ATXN7L1: variants seen among roughly 807,000 people sequenced by gnomAD.
ATXN7L1 encodes the protein ataxin-7-like protein 1.
ATXN7L1 carries 15 observed loss-of-function variants against 70.8 expected under a neutral mutation model. The observed-to-expected ratio is 0.21, with a 90% CI of 0.14 to 0.33. ATXN7L1 has a LOEUF of 0.33. Ranked by LOEUF, ATXN7L1 falls within the 10% of genes least tolerant of loss-of-function variation. ATXN7L1 has a pLI of 1.00. For synonymous variants in ATXN7L1, 440 were observed against 445.1 expected, an observed-to-expected ratio of 0.99 and a Z score of 0.14; for missense variants, 975 against 1,097.1, an observed-to-expected ratio of 0.89 and a Z score of 1.57.
intron 7 of ATXN7L1, among the ~76,000 whole-genome samples, chr7:105,624,945 G>A (rs893094061): frequency 1.3e-5 from 2 of 152,242 alleles, no homozygotes; most frequent in African/African-American, 4.8e-5. Flanking sequence ...CCATTTGCAG[G>A]TAAGTAAGTT....
At chr7:105,668,743 C>CA (rs1327189520) in intron 3 of ATXN7L1, among the ~76,000 whole-genome samples, 2 of 151,844 alleles carry the variant, frequency 1.3e-5, no homozygotes, top group Non-Finnish European at 2.9e-5. Flanking sequence ...CTAATTAAAA[C>CA]TTTTTTTTGG....
At chr7:105,730,252 T>C (rs1372379212) in intron 3 of ATXN7L1, among the ~76,000 whole-genome samples, 2 of 152,214 alleles carry the variant, frequency 1.3e-5, no homozygotes, top group African/African-American at 4.8e-5. Flanking sequence ...ATGTATGTGA[T>C]GAAAATGGCA....
chr7:105,741,815 T>A (rs968934781), intron 3 of ATXN7L1, among the ~76,000 whole-genome samples: 7 of 152,142 alleles, frequency 4.6e-5, no homozygotes, highest in Admixed American at 4.6e-4. Flanking sequence ...GAGAGTGACA[T>A]GCACAGCGAG....
intron 3 of ATXN7L1, among the ~76,000 whole-genome samples, chr7:105,697,491 C>T (rs373748829): frequency 6.6e-6 from 1 of 152,384 alleles, no homozygotes; most frequent in Middle Eastern, 3.4e-3. Flanking sequence ...CTCTTACTCT[C>T]TGAACAATTG....
intron 3 of ATXN7L1, among the ~76,000 whole-genome samples, chr7:105,682,218 C>T (rs149183216): frequency 4.0e-5 from 6 of 151,710 alleles, no homozygotes; most frequent in East Asian, 3.9e-4. Flanking sequence ...AGCTAGACCC[C>T]GTCTCAAAAC....
chr7:105,811,117 C>T (rs535098980), intron 2 of ATXN7L1, among the ~76,000 whole-genome samples: 34 of 152,166 alleles, frequency 2.2e-4, no homozygotes, highest in Non-Finnish European at 4.7e-4. Context: ...TTGGAAACAG[C>T]GTCTCTGCAG....
intron 3 of ATXN7L1, among the ~76,000 whole-genome samples, chr7:105,727,485 A>G (rs950299430): frequency 1.3e-5 from 2 of 151,820 alleles, no homozygotes; most frequent in South Asian, 2.1e-4. Context: ...CCCGGCCAAC[A>G]TGGTGAAACC....
At chr7:105,868,343 T>C (rs1817779978) in intron 2 of ATXN7L1, among the ~76,000 whole-genome samples, 1 of 152,198 alleles carries the variant, frequency 6.6e-6, no homozygotes, top group Admixed American at 6.5e-5. Context: ...TTTTCACTGC[T>C]GTGTCCCTGG....
At position 105,800,282 on chromosome 7, in the gene ATXN7L1, A is replaced by G. The variant is rs1005825989; in HGVS notation, c.251-11574T>C. ...CCCCAATCCCTGGGTTCCCAGCTTCAGTTTCCACCAAATCCTCTTTCACTG... is the reference window on the plus strand; with the variant it reads ...CCCCAATCCCTGGGTTCCCAGCTTCGGTTTCCACCAAATCCTCTTTCACTG... On this transcript the variant is annotated intron_variant, in intron 2 of 11. Coordinates refer to ENST00000419735, the MANE Select transcript of ATXN7L1 (RefSeq NM_020725.2). Among the ~76,000 whole-genome samples, 3 of 152,286 alleles carry G rather than the reference A, an allele frequency of 2.0e-5. No homozygotes were observed. The East Asian group carries it at 5.8e-4, about 29-fold the overall frequency.
At chr7:105,826,547 T>C (rs1383176628) in intron 2 of ATXN7L1, among the ~76,000 whole-genome samples, 1 of 152,056 alleles carries the variant, frequency 6.6e-6, no homozygotes, top group Non-Finnish European at 1.5e-5. Context: ...ATGGAGACAT[T>C]TGGAAAAATG....
intron 3 of ATXN7L1, among the ~76,000 whole-genome samples, chr7:105,755,658 ATTTCCAGCTGG>A (rs1799717864): frequency 6.6e-6 from 1 of 152,166 alleles, no homozygotes; most frequent in Admixed American, 6.5e-5. Context: ...CTACTGGTGA[ATTTCCAGCTGG>A]AATTTCAATT....
chr7:105,723,074 T>C (rs1450888508), intron 3 of ATXN7L1, among the ~76,000 whole-genome samples: 1 of 152,076 alleles, frequency 6.6e-6, no homozygotes, highest in Non-Finnish European at 1.5e-5. Flanking sequence ...TGCCAGTTTT[T>C]AGGGAGTGTG....
chr7:105,866,076 C>T (rs867413059), intron 2 of ATXN7L1, among the ~76,000 whole-genome samples: 16 of 152,186 alleles, frequency 1.1e-4, no homozygotes, highest in Admixed American at 3.3e-4. Context: ...TTAATATCAT[C>T]GGACTGGGTG....
chr7:105,623,833 C>CT (rs1292251890), intron 8 of ATXN7L1, among the ~76,000 whole-genome samples: 2 of 152,194 alleles, frequency 1.3e-5, no homozygotes, highest in Admixed American at 6.5e-5. Context: ...ATTTTTTCCC[C>CT]TTTTTTCTTT....
chr7:105,852,913 C>T (rs1023821693), intron 2 of ATXN7L1, among the ~76,000 whole-genome samples: 10 of 152,018 alleles, frequency 6.6e-5, no homozygotes, highest in African/African-American at 1.9e-4. Context: ...CATCGATTAA[C>T]CTTGGAAACA....
At chr7:105,833,137 T>C (rs960361305) in intron 2 of ATXN7L1, among the ~76,000 whole-genome samples, 2 of 152,108 alleles carry the variant, frequency 1.3e-5, no homozygotes, top group African/African-American at 4.8e-5. Flanking sequence ...CCCTCTGACC[T>C]CCCACCCTAT....
chr7:105,743,811 G>A (rs1444852966), intron 3 of ATXN7L1, among the ~76,000 whole-genome samples: 3 of 152,266 alleles, frequency 2.0e-5, no homozygotes, highest in South Asian at 2.1e-4. Flanking sequence ...AGATCTTTCC[G>A]CCTCAGTAAC....
At chr7:105,758,681 C>T (rs999193064) in intron 3 of ATXN7L1, among the ~76,000 whole-genome samples, 2 of 152,148 alleles carry the variant, frequency 1.3e-5, no homozygotes, top group Admixed American at 6.5e-5. Flanking sequence ...GGGTCTACCG[C>T]AGAATGCAGG....
chr7:105,638,782 C>G (rs1271328656), intron 6 of ATXN7L1, among the ~76,000 whole-genome samples, 173 bp from the exon 7 acceptor site: 2 of 152,042 alleles, frequency 1.3e-5, no homozygotes, highest in African/African-American at 4.8e-5. Context: ...ACCACACGAA[C>G]GCAACCATGC....
Sources: gnomAD v4.1 joint callset for allele counts (sites outside exome capture counted in the v4.1 genomes callset) on GRCh38, gnomAD v4.1.1 for gene constraint, MANE v1.5 for transcripts, NCBI Gene and HGNC (gene_info 2026-07-23, HGNC 2026-07-21) for gene names.